SPTA1: variants seen among roughly 807,000 people sequenced by gnomAD.
SPTA1 encodes spectrin alpha, erythrocytic 1, also known as spectrin alpha chain, erythrocytic 1.
A neutral mutation model predicts 324.7 loss-of-function variants in SPTA1; 177 were observed. That is an observed-to-expected ratio of 0.55 (90% CI 0.48 to 0.62). SPTA1 has a LOEUF of 0.62. SPTA1 is among the 20% of genes least tolerant of loss of function. SPTA1 has a pLI of 0.00. For synonymous variants in SPTA1, 1,195 were observed against 1,041.3 expected (o/e 1.15, Z -2.84); for missense variants, 3,162 against 2,883.6 (o/e 1.10, Z -2.21).
Position 158,642,562 on chromosome 1 carries a change from G to T in SPTA1, c.4606-20C>A, listed in dbSNP as rs752976619. 6.2e-7 allele frequency: 1 copy of T among 1,613,020 alleles called. No homozygotes were observed. The highest frequency in any genetic ancestry group is 1.1e-5 in the South Asian group (1 of 91,040). On this transcript the variant is annotated intron_variant, in intron 32 of 51. Coordinates refer to ENST00000643759, the MANE Select transcript of SPTA1 (RefSeq NM_003126.4). Reference sequence around the variant, plus strand: ...TTTCCTCTGAAGGGAAAATGAAACAGAAATTATATTATCTTTTTATTTATG... The same window carrying T: ...TTTCCTCTGAAGGGAAAATGAAACATAAATTATATTATCTTTTTATTTATG...
intron 47 of SPTA1, among the ~76,000 whole-genome samples, chr1:158,616,599 C>T (rs943609463): frequency 2.0e-5 from 3 of 151,434 alleles, no homozygotes; most frequent in Non-Finnish European, 2.9e-5. Flanking sequence ...TTTTAATGGA[C>T]AAATAATATT....
intron 26 of SPTA1, 42 bp from the exon 27 acceptor site, chr1:158,647,762 A>C: frequency 6.2e-7 from 1 of 1,609,876 alleles, no homozygotes; most frequent in Non-Finnish European, 8.5e-7. Context: ...CTAGAGACAC[A>C]CCTGAATCTT....
intron 36 of SPTA1, among the ~76,000 whole-genome samples, chr1:158,637,109 C>A (rs1351814335): frequency 6.6e-6 from 1 of 152,120 alleles, no homozygotes; most frequent in East Asian, 1.9e-4. Context: ...TTATATATGA[C>A]CTCCACAGGT....
chr1:158,661,381 A>C lies in SPTA1; in HGVS notation c.2493T>G (p.Leu831=), dbSNP rs2518493. The C allele has an allele frequency of 0.25, 406,985 of 1,613,118 alleles. 53,395 individuals carry two copies. The highest frequency in any genetic ancestry group is 0.39 in the East Asian group (17,317 of 44,750). The change falls in exon 18 of 52, where the codon CTT becomes CTG. Residue 831 remains leucine, a synonymous_variant. Transcript: ENST00000643759. The part of the protein sequence containing the change: ...LGKDLIASKK[L]LNRHRVILEN... Reference sequence around the variant, plus strand: ...CCAGGATGACTCTATGCCTATTCAGAAGCTTTTTGGAAGCAATCAGGTCCT... The same window carrying C: ...CCAGGATGACTCTATGCCTATTCAGCAGCTTTTTGGAAGCAATCAGGTCCT...
chr1:158,645,359 C>T lies in SPTA1; in HGVS notation c.4023G>A (p.Glu1341=). 1 of 1,614,026 alleles carries T rather than the reference C, an allele frequency of 6.2e-7. No individual in the cohort carries two copies. The highest frequency in any genetic ancestry group is 2.2e-5 in the East Asian group (1 of 44,882). ...HQEHRADMEA[E]APTFQALEDF... is the part of the protein sequence containing the mutation. The stretch of plus-strand genomic sequence containing the variant: ...CCTCTAAGGCCTGGAAGGTGGGAGC[C>T]TCTGCCTCCATGTCAGCACGGTGCT... The change falls in exon 29 of 52, where the codon GAG becomes GAA. Residue 1341 remains glutamate (E), a synonymous_variant. Transcript: ENST00000643759.
At position 158,626,036 on chromosome 1, in the gene SPTA1, T is replaced by C; in HGVS notation, c.5910+110A>G. 1.3e-5 allele frequency: 12 copies of C among 899,034 alleles called. No individual in the cohort carries two copies. In the South Asian group the frequency reaches 1.8e-4, roughly 14 times the overall value. 55.7% of individuals were successfully genotyped at this position (899,034 alleles called of 1,614,324 possible). A position where few individuals can be genotyped will look rare whatever the true frequency, so the allele number is the denominator to read the frequency against. On this transcript the variant is annotated intron_variant, in intron 42 of 51. Coordinates refer to ENST00000643759, the MANE Select transcript of SPTA1 (RefSeq NM_003126.4). ...TTATTAATATTAAGAAGGGAAAATC[T>C]TACAGAGGCTACAGACAATAAAATC...
At chr1:158,683,267 C>CT (rs1654934058) in intron 3 of SPTA1, 104 bp downstream of exon 3, 1 of 1,546,372 alleles carries the variant, frequency 6.5e-7, no homozygotes, top group Non-Finnish European at 8.9e-7. Context: ...GGCAGGAGTC[C>CT]TGGGTATAAG....
At chr1:158,612,217 C>G (rs1649298079) in intron 51 of SPTA1, 1 of 157,184 alleles carries the variant, frequency 6.4e-6, no homozygotes, top group African/African-American at 2.4e-5. Flanking sequence ...GCCTGAAACA[C>G]TTAGGCTTTC....
At chr1:158,679,251 A>G (rs1654621836) in intron 5 of SPTA1, among the ~76,000 whole-genome samples, 1 of 152,028 alleles carries the variant, frequency 6.6e-6, no homozygotes, top group Non-Finnish European at 1.5e-5. Context: ...GGTTCTTTCT[A>G]TTACAGCAGT....
chr1:158,649,774 A>G, intron 25 of SPTA1, 82 bp downstream of exon 25: 1 of 1,157,548 alleles, frequency 8.6e-7, no homozygotes, highest in Non-Finnish European at 1.3e-6. Context: ...AGATTATACT[A>G]TGGTTCCACC....
chr1:158,644,108 G>T, intron 30 of SPTA1, 145 bp downstream of exon 30: 3 of 1,121,406 alleles, frequency 2.7e-6, no homozygotes, highest in South Asian at 3.0e-5. Context: ...CTGCACTCCA[G>T]CCTGGGTGAC....
chr1:158,635,870 C>A (rs1379436674), intron 38 of SPTA1, 43 bp downstream of exon 38: 1 of 1,613,886 alleles, frequency 6.2e-7, no homozygotes, highest in Non-Finnish European at 8.5e-7. Flanking sequence ...TGCCCAATAT[C>A]CAAAATCCAG....
In SPTA1 at chr1:158,612,882, T is replaced by A; in HGVS notation, c.7069A>T (p.Ile2357Leu). 6.2e-7 allele frequency: 1 copy of A among 1,613,980 alleles called. No homozygotes were observed. The highest frequency in any genetic ancestry group is 8.5e-7 in the Non-Finnish European group (1 of 1,179,886). Residue 2357 changes from isoleucine (I) to leucine (L), a missense_variant, in exon 51 of 52, where the codon ATA (isoleucine) becomes TTA (leucine). By Grantham distance (5) the Ile-to-Leu change is conservative. Transcript: ENST00000643759. ...ESENIKSSDE[I>L]ENAFQALAEG... The stretch of plus-strand genomic sequence containing the variant: ...GCCAGGGCTTGGAAGGCATTCTCTA[T>A]TTCATCACTGGACTTGATGTTTTCT...
At chr1:158,643,636 C>T (rs964461005) in intron 30 of SPTA1, among the ~76,000 whole-genome samples, 11 of 151,992 alleles carry the variant, frequency 7.2e-5, no homozygotes, top group Non-Finnish European at 1.5e-4. Flanking sequence ...TACAGAGTTC[C>T]CTAAAGAACA....
At chr1:158,626,278 G>A in intron 41 of SPTA1, 56 bp from the exon 42 acceptor site, 2 of 1,529,502 alleles carry the variant, frequency 1.3e-6, no homozygotes, top group South Asian at 1.1e-5. Context: ...TTGAGTCCTG[G>A]GAAGCAGAAA....
At chr1:158,633,089 G>T (rs988490494) in intron 39 of SPTA1, among the ~76,000 whole-genome samples, 1 of 152,166 alleles carries the variant, frequency 6.6e-6, no homozygotes, top group African/African-American at 2.4e-5. Context: ...CATACTATAT[G>T]ATTTCATTTG....
intron 4 of SPTA1, 56 bp downstream of exon 4, chr1:158,681,471 G>A: frequency 6.2e-7 from 1 of 1,612,254 alleles, no homozygotes; most frequent in East Asian, 2.2e-5. Context: ...TTGCTATGGG[G>A]TACCTGGGAC....
At chr1:158,614,505 A>T in intron 48 of SPTA1, 199 bp from the exon 49 acceptor site, 1 of 507,714 alleles carries the variant, frequency 2.0e-6, no homozygotes, top group East Asian at 3.1e-5. Context: ...CCAAGAGTAG[A>T]TTTTACATTT....
intron 50 of SPTA1, 27 bp downstream of exon 50, chr1:158,613,694 C>T (rs560331946): frequency 1.3e-5 from 21 of 1,613,326 alleles, no homozygotes; most frequent in East Asian, 4.5e-5. Flanking sequence ...ATCCCTGCTG[C>T]GGTCTGACCC....
Sources: allele counts gnomAD v4.1 joint callset (sites outside exome capture counted in the v4.1 genomes callset), GRCh38; gene constraint gnomAD v4.1.1; transcripts MANE v1.5; gene names NCBI Gene and HGNC (gene_info 2026-07-23, HGNC 2026-07-21).